ZFP91: variants seen among roughly 807,000 people sequenced by gnomAD.
ZFP91 encodes the protein ZFP91 zinc finger protein, atypical E3 ubiquitin ligase, also known as E3 ubiquitin-protein ligase ZFP91.
In ZFP91, 7 loss-of-function variants were observed where a neutral mutation model predicts 63.5. The ratio of observed to expected loss-of-function variants is 0.11; its 90% CI spans 0.06 to 0.21. The LOEUF is 0.21. ZFP91 is among the 10% of genes least tolerant of loss of function. The pLI, the probability that ZFP91 is intolerant of heterozygous loss-of-function variation, is 1.00. For synonymous variants in ZFP91, 330 were observed against 272.1 expected (o/e 1.21, Z -2.10); for missense variants, 628 against 736.6 (o/e 0.85, Z 1.71).
chr11:58,603,950 T>C (rs970214023), intron 2 of ZFP91, among the ~76,000 whole-genome samples: 1 of 152,182 alleles, frequency 6.6e-6, no homozygotes, highest in African/African-American at 2.4e-5. Context: ...CTGATCTAGA[T>C]GATGAGATTT....
intron 2 of ZFP91, among the ~76,000 whole-genome samples, chr11:58,589,580 C>T (rs894668459): frequency 2.0e-5 from 3 of 152,214 alleles, no homozygotes; most frequent in Admixed American, 2.0e-4. Flanking sequence ...AGTTAGGTTT[C>T]AGAAACTCAA....
intron 2 of ZFP91, among the ~76,000 whole-genome samples, chr11:58,598,504 G>A (rs113576002): frequency 1.2e-3 from 184 of 152,196 alleles, no homozygotes; most frequent in Non-Finnish European, 2.2e-3. Context: ...TGTTGCTCAT[G>A]CAGTGACTAG....
At position 58,617,070 on chromosome 11, in the gene ZFP91, T is replaced by TTTTGTGTG. The variant is rs1554959246; in HGVS notation, c.1203-125_1203-124insTTGTGTGT. ...TTCAAAAGAAGTATGTTACTGATTA[T>TTTTGTGTG]TGTGTGTGTGTGTGTGTGTGTGTGT... On this transcript the variant is annotated intron_variant, in intron 10 of 10. Transcript: ENST00000316059. The surrounding 1 kb of genome is among the most constrained non-coding windows in gnomAD (Gnocchi z 4.2). 33 of 740,508 alleles carry TTTTGTGTG rather than the reference T, an allele frequency of 4.5e-5. No homozygotes were observed. Among genetic ancestry groups the TTTTGTGTG allele is most frequent in the African/African-American group, 7.3e-5 (4 of 54,840 alleles). 45.9% of individuals were successfully genotyped at this position (740,508 alleles called of 1,614,324 possible). A position where few individuals can be genotyped will look rare whatever the true frequency, so the allele number is the denominator to read the frequency against.
intron 2 of ZFP91, among the ~76,000 whole-genome samples, chr11:58,595,014 G>C (rs893800795): frequency 6.6e-6 from 1 of 152,128 alleles, no homozygotes; most frequent in Admixed American, 6.5e-5. Context: ...AATCTGGATT[G>C]AGCCCTTGCC....
intron 2 of ZFP91, among the ~76,000 whole-genome samples, chr11:58,599,183 C>T (rs1384745930): frequency 4.7e-5 from 7 of 149,994 alleles, no homozygotes; most frequent in African/African-American, 1.7e-4. Flanking sequence ...GTATATATGA[C>T]ATTTTGTTTA....
chr11:58,609,223 A>G (rs1438959794), intron 2 of ZFP91, among the ~76,000 whole-genome samples: 14 of 152,354 alleles, frequency 9.2e-5, no homozygotes, highest in African/African-American at 2.4e-4. Context: ...TAGGATAACA[A>G]TAACAGATTT....
intron 9 of ZFP91, among the ~76,000 whole-genome samples, chr11:58,615,879 G>T (rs1273621646): frequency 6.6e-6 from 1 of 152,100 alleles, no homozygotes; most frequent in Admixed American, 6.6e-5. Context: ...CATTAATTCT[G>T]GTAATTTGAA....
chr11:58,580,112 T>C (rs570390368), intron 1 of ZFP91, among the ~76,000 whole-genome samples: 3 of 150,534 alleles, frequency 2.0e-5, no homozygotes, highest in African/African-American at 4.8e-5. Flanking sequence ...TTTTTCACTT[T>C]TCTAAATTTT....
intron 4 of ZFP91, 33 bp from the exon 5 acceptor site, chr11:58,610,917 C>A: frequency 6.3e-7 from 1 of 1,592,186 alleles, no homozygotes; most frequent in South Asian, 1.1e-5. Context: ...TCGCTACAAC[C>A]AGAATGTCTC....
At position 58,621,179 on chromosome 11, in the gene ZFP91, TG is replaced by T. The variant is rs113319835; in HGVS notation, c.*3475del. On this transcript the variant is annotated 3_prime_UTR_variant, in exon 11 of 11. Transcript: ENST00000316059. ...TTGTTTGCTTTTGTTGAGAATCAGG[TG>T]GTTAATTTTTGACTGTTCTTGATTT... 0.19 allele frequency: 29,424 copies of T among 152,502 alleles called. 2,957 individuals carry two copies. The highest frequency in any genetic ancestry group is 0.24 in the African/African-American group (9,942 of 41,474). 9.4% of individuals were successfully genotyped at this position (152,502 alleles called of 1,614,324 possible).
chr11:58,602,341 A>G (rs1259420828), intron 2 of ZFP91, among the ~76,000 whole-genome samples: 1 of 152,130 alleles, frequency 6.6e-6, no homozygotes, highest in Non-Finnish European at 1.5e-5. Context: ...TCTGTTATTG[A>G]AAGTGGGATA....
chr11:58,603,338 G>A (rs1202246979), intron 2 of ZFP91, among the ~76,000 whole-genome samples: 1 of 152,192 alleles, frequency 6.6e-6, no homozygotes, highest in African/African-American at 2.4e-5. Flanking sequence ...TTTTTAGTCT[G>A]TCCAAATAGT....
chr11:58,595,081 A>C (rs1015964360), intron 2 of ZFP91, among the ~76,000 whole-genome samples: 2 of 152,210 alleles, frequency 1.3e-5, no homozygotes. Flanking sequence ...GAAAGAATAT[A>C]GACTGGACTT....
At chr11:58,600,096 G>A (rs368288569) in intron 2 of ZFP91, among the ~76,000 whole-genome samples, 1 of 152,056 alleles carries the variant, frequency 6.6e-6, no homozygotes, top group South Asian at 2.1e-4. Flanking sequence ...AAGCTTTATA[G>A]TAAGTGTTGA....
Position 58,620,872 on chromosome 11 carries a change from T to C in ZFP91, c.*3166T>C, listed in dbSNP as rs747239280. On this transcript the variant is annotated 3_prime_UTR_variant, in exon 11 of 11. Transcript: ENST00000316059. ...GTTGTAATGTGCAGGACCCTTCTCC[T>C]TTCATGGGAGAGACAGGTAGTTACC... 5 of 152,628 alleles carry C rather than the reference T, an allele frequency of 3.3e-5. No homozygotes were observed. The highest frequency in any genetic ancestry group is 7.4e-5 in the Non-Finnish European group (5 of 68,026). 9.5% of individuals were successfully genotyped at this position (152,628 alleles called of 1,614,324 possible). A position where few individuals can be genotyped will look rare whatever the true frequency, so the allele number is the denominator to read the frequency against.
chr11:58,584,936 A>C (rs745866910), intron 2 of ZFP91, 52 bp downstream of exon 2: 1 of 1,350,852 alleles, frequency 7.4e-7, no homozygotes, highest in South Asian at 1.8e-5. Flanking sequence ...ATTATCTTTT[A>C]ATCTGTTAGA....
chr11:58,586,648 T>G (rs1855214989), intron 2 of ZFP91, among the ~76,000 whole-genome samples: 1 of 152,192 alleles, frequency 6.6e-6, no homozygotes, highest in African/African-American at 2.4e-5. Context: ...ATATAAGAAC[T>G]GTAACATTCA....
At chr11:58,601,461 T>C (rs1855488957) in intron 2 of ZFP91, among the ~76,000 whole-genome samples, 1 of 152,158 alleles carries the variant, frequency 6.6e-6, no homozygotes, top group Non-Finnish European at 1.5e-5. Flanking sequence ...GTAATTTGGG[T>C]CTTCTCTTAT....
chr11:58,613,332 AATG>A (rs1018576942), intron 8 of ZFP91, among the ~76,000 whole-genome samples: 94 of 152,266 alleles, frequency 6.2e-4, no homozygotes, highest in African/African-American at 2.1e-3. Flanking sequence ...AATCTACTCC[AATG>A]ATAATATCAA....
Sources: gnomAD v4.1 joint callset for allele counts (sites outside exome capture counted in the v4.1 genomes callset) on GRCh38, gnomAD v4.1.1 for gene constraint, Gnocchi (gnomAD v3.1) non-coding constraint, MANE v1.5 for transcripts, NCBI Gene and HGNC (gene_info 2026-07-23, HGNC 2026-07-21) for gene names.